Variants in TMPRSS15 observed in about 807,000 individuals in gnomAD.
TMPRSS15 encodes the protein transmembrane serine protease 15.
In TMPRSS15, 128 loss-of-function variants were observed where a neutral mutation model predicts 125.3. The ratio of observed to expected loss-of-function variants is 1.02; its 90% CI spans 0.89 to 1.18. The LOEUF is 1.18. Ranked by LOEUF, TMPRSS15 falls within the 50% of genes most tolerant of loss-of-function variation. TMPRSS15 has a pLI of 0.00. For missense variants in TMPRSS15, 1,283 were observed against 1,212.7 expected, an observed-to-expected ratio of 1.06 and a Z score of -0.86; for synonymous variants, 446 against 423.2, an observed-to-expected ratio of 1.05 and a Z score of -0.66.
intron 1 of TMPRSS15, among the ~76,000 whole-genome samples, chr21:18,454,711 C>T (rs1420109784): frequency 6.6e-6 from 1 of 152,070 alleles, no homozygotes; most frequent in Non-Finnish European, 1.5e-5. Flanking sequence ...TGAATTTGCC[C>T]TTCCTCTGCC....
intron 1 of TMPRSS15, among the ~76,000 whole-genome samples, chr21:18,431,072 A>T (rs2076215711): frequency 6.6e-6 from 1 of 152,146 alleles, no homozygotes; most frequent in Non-Finnish European, 1.5e-5. Context: ...TTCATTTGTT[A>T]TTAGCAAATT....
intron 1 of TMPRSS15, among the ~76,000 whole-genome samples, chr21:18,479,828 G>T (rs952227826): frequency 1.3e-5 from 2 of 152,004 alleles, no homozygotes; most frequent in Non-Finnish European, 2.9e-5. Context: ...AAGACAGTGT[G>T]GCAATTCCTC....
intron 4 of TMPRSS15, among the ~76,000 whole-genome samples, chr21:18,382,031 TG>T (rs1401922820): frequency 2.0e-5 from 3 of 151,900 alleles, no homozygotes; most frequent in Non-Finnish European, 4.4e-5. Context: ...AAAATGACTA[TG>T]AAAAAAATCA....
chr21:18,430,425 G>T (rs1481355793), intron 1 of TMPRSS15, among the ~76,000 whole-genome samples: 3 of 151,974 alleles, frequency 2.0e-5, no homozygotes, highest in African/African-American at 7.2e-5. Context: ...AAATATATTG[G>T]TGAAGGTGTT....
At chr21:18,341,616 G>C (rs977936905) in intron 12 of TMPRSS15, 68 bp from the exon 13 acceptor site, 1 of 1,526,838 alleles carries the variant, frequency 6.5e-7, no homozygotes, top group Non-Finnish European at 9.1e-7. Context: ...GATTCTTCTT[G>C]TGAGCCCAAG....
chr21:18,480,414 AC>A (rs1490728161), intron 1 of TMPRSS15, among the ~76,000 whole-genome samples: 5 of 151,948 alleles, frequency 3.3e-5, no homozygotes, highest in Non-Finnish European at 5.9e-5. Flanking sequence ...TCTATAATCT[AC>A]CCAGGCCATG....
Position 18,461,591 on chromosome 21 carries a change from G to A in TMPRSS15, c.10+24208C>T, listed in dbSNP as rs2122952657. Among the ~76,000 whole-genome samples, 41 of 152,144 alleles carry A rather than the reference G, an allele frequency of 2.7e-4. No homozygotes were observed. The East Asian group carries it at 7.7e-3, about 29-fold the overall frequency. The stretch of plus-strand genomic sequence containing the variant: ...GGGAAAATCAATATCTTACAGTACA[G>A]TTTTCATTCTAAGAAATACTACACA... On this transcript the variant is annotated intron_variant, in intron 1 of 7. Coordinates refer to the TMPRSS15 transcript ENST00000422787.
chr21:18,289,790 A>C (rs914895784), intron 21 of TMPRSS15, among the ~76,000 whole-genome samples: 1 of 149,502 alleles, frequency 6.7e-6, no homozygotes, highest in South Asian at 2.2e-4. Flanking sequence ...ATGATTGCCC[A>C]CCCACGTGAC....
intron 13 of TMPRSS15, among the ~76,000 whole-genome samples, chr21:18,335,687 A>G (rs1415449448): frequency 6.6e-6 from 1 of 152,260 alleles, no homozygotes; most frequent in South Asian, 2.1e-4. Context: ...TACTCTCTGC[A>G]TATAAATGAC....
At chr21:18,321,345 C>CCTT (rs763293354) in intron 16 of TMPRSS15, among the ~76,000 whole-genome samples, 49 of 125,394 alleles carry the variant, frequency 3.9e-4, no homozygotes, top group South Asian at 7.7e-4. Context: ...CGATTTTTTT[C>CCTT]CTTCTTTTTT....
intron 1 of TMPRSS15, among the ~76,000 whole-genome samples, chr21:18,471,670 C>T (rs7280712): frequency 0.58 from 88,613 of 151,946 alleles, 26,595 homozygotes; most frequent in East Asian, 0.88. Flanking sequence ...TTATAGAAAC[C>T]TTTGCAACCA....
chr21:18,405,218 G>C (rs1305608414), upstream of TMPRSS15, among the ~76,000 whole-genome samples: 1 of 152,098 alleles, frequency 6.6e-6, no homozygotes, highest in East Asian at 1.9e-4. Flanking sequence ...GCATAGCATG[G>C]ATTAATGGAT....
chr21:18,309,563 A>C (rs375169578), intron 18 of TMPRSS15, among the ~76,000 whole-genome samples: 6 of 152,306 alleles, frequency 3.9e-5, no homozygotes, highest in South Asian at 2.1e-4. Flanking sequence ...TTACAAGAAA[A>C]AAACAAACAA....
chr21:18,332,847 T>G (rs1408832360), intron 13 of TMPRSS15, among the ~76,000 whole-genome samples: 4 of 152,212 alleles, frequency 2.6e-5, no homozygotes, highest in Non-Finnish European at 5.9e-5. Flanking sequence ...TCAACCTAAA[T>G]GTCCATCAAT....
intron 1 of TMPRSS15, among the ~76,000 whole-genome samples, chr21:18,437,512 A>G (rs1485146176): frequency 6.6e-6 from 1 of 152,230 alleles, no homozygotes; most frequent in Non-Finnish European, 1.5e-5. Flanking sequence ...GCACAGCGAA[A>G]AAAACTACCG....
chr21:18,381,013 A>G (rs1026749259), intron 4 of TMPRSS15, among the ~76,000 whole-genome samples: 2 of 152,140 alleles, frequency 1.3e-5, no homozygotes, highest in Non-Finnish European at 2.9e-5. Flanking sequence ...ACTAAGTGGT[A>G]TATAAGTAAA....
chr21:18,451,706 A>C (rs1314553260), intron 1 of TMPRSS15, among the ~76,000 whole-genome samples: 1 of 152,156 alleles, frequency 6.6e-6, no homozygotes, highest in African/African-American at 2.4e-5. Flanking sequence ...ACTTGTTATT[A>C]AATTTACTTT....
chr21:18,366,971 G>A (rs913573802), intron 6 of TMPRSS15, among the ~76,000 whole-genome samples: 2 of 151,776 alleles, frequency 1.3e-5, no homozygotes, highest in African/African-American at 4.8e-5. Context: ...AAATTAGATA[G>A]CAAATAGAAA....
intron 4 of TMPRSS15, 107 bp downstream of exon 4, chr21:18,383,520 A>C (rs1351641221): frequency 1.2e-5 from 16 of 1,304,444 alleles, no homozygotes; most frequent in Non-Finnish European, 1.7e-5. Context: ...AGGCAATAAG[A>C]CATGTTCCTA....
Sources: gnomAD v4.1 joint callset for allele counts (sites outside exome capture counted in the v4.1 genomes callset) on GRCh38, gnomAD v4.1.1 for gene constraint, MANE v1.5 for transcripts, NCBI Gene and HGNC (gene_info 2026-07-23, HGNC 2026-07-21) for gene names.